Variants in CARMIL1 observed in about 807,000 individuals in gnomAD.
CARMIL1 encodes the protein F-actin-uncapping protein LRRC16A.
A neutral mutation model predicts 177.1 loss-of-function variants in CARMIL1; 90 were observed. The observed-to-expected ratio is 0.51, with a 90% CI of 0.43 to 0.61. The LOEUF (loss-of-function observed/expected upper bound fraction) is 0.61, where lower values mean the gene tolerates loss of function less well. Ranked by LOEUF, CARMIL1 falls within the 20% of genes least tolerant of loss-of-function variation. The pLI is 0.00. For missense variants in CARMIL1, 1,380 were observed against 1,667.0 expected (o/e 0.83, Z 3.00); for synonymous variants, 577 against 606.2 (o/e 0.95, Z 0.71).
intron 5 of CARMIL1, among the ~76,000 whole-genome samples, chr6:25,445,551 T>C (rs1798150129): frequency 6.6e-6 from 1 of 151,686 alleles, no homozygotes; most frequent in African/African-American, 2.4e-5. Context: ...TTTTTTTTTT[T>C]TGAGTTGTTG....
chr6:25,426,468 GTCTTT>G (rs768975886), intron 3 of CARMIL1, 28 bp from the exon 4 acceptor site: 1 of 1,533,760 alleles, frequency 6.5e-7, no homozygotes, highest in Non-Finnish European at 9.0e-7. Context: ...CTCATTGCAG[GTCTTT>G]TCTTTCCTCC....
intron 26 of CARMIL1, among the ~76,000 whole-genome samples, chr6:25,543,380 A>G (rs2151142663): frequency 6.6e-6 from 1 of 152,328 alleles, no homozygotes; most frequent in South Asian, 2.1e-4. Context: ...AGAGAAAAGC[A>G]GTAAGTCTGG....
rs1810834287 is a variant in CARMIL1, at chr6:25,558,519, A to G, written c.2742+1669A>G. ...TAAGTGAGTGAGTTGAGGGTGGAGGAAAGGAATAATTTTAAAAAATGCAGT... is the reference window on the plus strand; with the variant it reads ...TAAGTGAGTGAGTTGAGGGTGGAGGGAAGGAATAATTTTAAAAAATGCAGT... On this transcript the variant is annotated intron_variant, in intron 29 of 36. Coordinates refer to ENST00000329474, the MANE Select transcript of CARMIL1 (RefSeq NM_017640.6). This position sits in a 1 kb window ranked among gnomAD's most constrained non-coding sequence, Gnocchi z 4.1. Among the ~76,000 whole-genome samples, 1 of 152,190 alleles carries G rather than the reference A, an allele frequency of 6.6e-6. No homozygotes were observed. Among genetic ancestry groups the G allele is most frequent in the South Asian group, 2.1e-4 (1 of 4,828 alleles).
chr6:25,305,909 TTTTTCA>T (rs1783221659), intron 2 of CARMIL1, among the ~76,000 whole-genome samples: 1 of 152,236 alleles, frequency 6.6e-6, no homozygotes, highest in African/African-American at 2.4e-5. Context: ...AAATATCCTT[TTTTTCA>T]TTTTAAAATA....
chr6:25,493,971 A>G (rs1250340411), intron 15 of CARMIL1, among the ~76,000 whole-genome samples: 4 of 151,898 alleles, frequency 2.6e-5, no homozygotes, highest in African/African-American at 9.6e-5. Context: ...CTTCTCAGAT[A>G]TTTTGGTTGT....
At chr6:25,389,937 A>G (rs1409592250) in intron 2 of CARMIL1, among the ~76,000 whole-genome samples, 1 of 152,226 alleles carries the variant, frequency 6.6e-6, no homozygotes, top group South Asian at 2.1e-4. Context: ...ATTGTTATAC[A>G]TTATGAACTA....
intron 2 of CARMIL1, among the ~76,000 whole-genome samples, chr6:25,306,305 C>G (rs918997697): frequency 6.6e-6 from 1 of 152,124 alleles, no homozygotes; most frequent in East Asian, 1.9e-4. Flanking sequence ...AGGAGGTGAG[C>G]GGCAGGTAAG....
chr6:25,509,712 C>G lies in CARMIL1; in HGVS notation c.1452C>G (p.Ile484Met). The change falls in exon 18 of 37, where the codon ATC (isoleucine) becomes ATG (methionine). Residue 484 changes from isoleucine to methionine, a missense_variant. Physicochemically the swap from Ile to Met is conservative, Grantham distance 10 (BLOSUM62 1). Transcript: ENST00000329474. The surrounding 1 kb of genome is among the most constrained non-coding windows in gnomAD (Gnocchi z 4.1). ...GTTGCATTGCTGAAATACACAACAT[C>G]ACCAGCTTAGACATCTCTGACAATG... ...LEGCIAEIHN[I>M]TSLDISDNGL... 1 of 1,600,332 alleles carries G rather than the reference C, an allele frequency of 6.2e-7. No individual in the cohort carries two copies. The highest frequency in any genetic ancestry group is 8.5e-7 in the Non-Finnish European group (1 of 1,172,592).
chr6:25,580,660 G>A (rs1813039713), intron 29 of CARMIL1, among the ~76,000 whole-genome samples: 1 of 152,080 alleles, frequency 6.6e-6, no homozygotes, highest in African/African-American at 2.4e-5. Flanking sequence ...TACACAGCTT[G>A]GAATTAAATT....
At chr6:25,507,301 A>G (rs1432397585) in intron 17 of CARMIL1, among the ~76,000 whole-genome samples, 1 of 152,174 alleles carries the variant, frequency 6.6e-6, no homozygotes, top group East Asian at 1.9e-4. Flanking sequence ...TGGTAACTAA[A>G]GCTTAGTTAT....
chr6:25,619,692 C>T lies in CARMIL1; in HGVS notation c.*109C>T. Reference sequence around the variant, plus strand: ...GGCGTTCTTCTCTGGGTGCTTTATTCTCTTCTTTTTCTTTATTTCGCCCCC... The same window carrying T: ...GGCGTTCTTCTCTGGGTGCTTTATTTTCTTCTTTTTCTTTATTTCGCCCCC... On this transcript the variant is annotated 3_prime_UTR_variant, in exon 37 of 37. Transcript: ENST00000329474. 4.9e-6 allele frequency: 4 copies of T among 818,056 alleles called. No homozygotes were observed. Among genetic ancestry groups the T allele is most frequent in the South Asian group, 5.6e-5 (2 of 35,554 alleles). The allele number at this position is 818,056 out of a possible 1,614,324, so 50.7% of individuals were successfully genotyped here.
At chr6:25,354,330 ATTTTTTTTTTT>A (rs67395838) in intron 2 of CARMIL1, among the ~76,000 whole-genome samples, 1 of 80,562 alleles carries the variant, frequency 1.2e-5, no homozygotes. Flanking sequence ...GACTAATTAA[ATTTTTTTTTTT>A]TTTTTTTTTT....
chr6:25,526,209 G>A (rs185014958), intron 23 of CARMIL1, among the ~76,000 whole-genome samples: 6 of 151,918 alleles, frequency 3.9e-5, no homozygotes, highest in Admixed American at 2.6e-4. Context: ...CAGGCGTGGT[G>A]GTGGGCACCT....
chr6:25,422,003 T>C (rs1413092661), intron 3 of CARMIL1, among the ~76,000 whole-genome samples: 3 of 151,876 alleles, frequency 2.0e-5, no homozygotes, highest in African/African-American at 7.3e-5. Context: ...ACATGTACCC[T>C]AAAACTTAAA....
At chr6:25,302,289 G>A (rs1462415555) in intron 2 of CARMIL1, among the ~76,000 whole-genome samples, 1 of 152,208 alleles carries the variant, frequency 6.6e-6, no homozygotes, top group Non-Finnish European at 1.5e-5. Flanking sequence ...AGAGGGGAAT[G>A]AGTGAAGATA....
At chr6:25,345,252 A>G (rs560607751) in intron 2 of CARMIL1, among the ~76,000 whole-genome samples, 1 of 152,194 alleles carries the variant, frequency 6.6e-6, no homozygotes, top group Admixed American at 6.5e-5. Context: ...CTGCTTGGAC[A>G]CACATGCACC....
intron 13 of CARMIL1, among the ~76,000 whole-genome samples, chr6:25,490,008 A>G (rs1037105090): frequency 6.6e-6 from 1 of 151,996 alleles, no homozygotes; most frequent in East Asian, 1.9e-4. Context: ...ACAACAAAAT[A>G]GCTCAAGATT....
intron 24 of CARMIL1, among the ~76,000 whole-genome samples, chr6:25,537,461 C>CT (rs1394115306): frequency 6.6e-6 from 1 of 152,100 alleles, no homozygotes; most frequent in Admixed American, 6.5e-5. Flanking sequence ...TCCTCAGTAC[C>CT]TAACTCTATG....
chr6:25,289,660 T>G (rs919289438), intron 2 of CARMIL1, among the ~76,000 whole-genome samples: 1 of 152,228 alleles, frequency 6.6e-6, no homozygotes, highest in Non-Finnish European at 1.5e-5. Context: ...TCTATAAATT[T>G]GTCATTTTAA....
Sources: gnomAD v4.1 joint callset for allele counts (sites outside exome capture counted in the v4.1 genomes callset) on GRCh38, gnomAD v4.1.1 for gene constraint, Gnocchi (gnomAD v3.1) non-coding constraint, MANE v1.5 for transcripts, NCBI Gene and HGNC (gene_info 2026-07-23, HGNC 2026-07-21) for gene names.